Variants in CYRIB observed in about 807,000 individuals in gnomAD.
The protein encoded by CYRIB is CYFIP related Rac1 interactor B, also known as CYFIP-related Rac1 interactor B.
Under a neutral mutation model 44.2 loss-of-function variants are expected in CYRIB, and 8 were observed. The observed-to-expected ratio is 0.18, with a 90% CI of 0.11 to 0.33. The LOEUF is 0.33. Ranked by LOEUF, CYRIB falls within the 10% of genes least tolerant of loss-of-function variation. The probability of loss-of-function intolerance (pLI) is 1.00; values close to 1 mark genes in which losing one functional copy is unlikely to be tolerated. For synonymous variants in CYRIB, 131 were observed against 127.2 expected, an observed-to-expected ratio of 1.03 and a Z score of -0.20; for missense variants, 185 against 382.8, an observed-to-expected ratio of 0.48 and a Z score of 4.31.
upstream of CYRIB, among the ~76,000 whole-genome samples, chr8:129,944,508 C>A (rs184970191): frequency 6.6e-6 from 1 of 152,070 alleles, no homozygotes; most frequent in Non-Finnish European, 1.5e-5. Context: ...CTTTGCCGGG[C>A]GCGGTGGCTC....
intron 1 of CYRIB, among the ~76,000 whole-genome samples, chr8:129,910,717 A>G (rs948670263): frequency 2.0e-5 from 3 of 152,192 alleles, no homozygotes. Flanking sequence ...AGGATGGCTT[A>G]AGCGCAAGAG....
chr8:129,972,334 C>T (rs903442555), intron 1 of CYRIB, among the ~76,000 whole-genome samples: 9 of 152,312 alleles, frequency 5.9e-5, no homozygotes, highest in South Asian at 2.1e-4. Context: ...CACGGTGGCT[C>T]ACCCGTAATC....
intron 6 of CYRIB, 83 bp downstream of exon 8, chr8:129,855,528 A>G: frequency 7.0e-7 from 1 of 1,419,470 alleles, no homozygotes; most frequent in Non-Finnish European, 9.8e-7. Context: ...ATACATTTTA[A>G]CAATGTTTCC....
rs186625621 is a variant in CYRIB at position 129,955,512 on chromosome 8, G to A, written c.-243+15431C>T. On this transcript the variant is annotated intron_variant, in intron 2 of 14. Coordinates refer to the CYRIB transcript ENST00000401979. ...GCTCCCATCAGAAATCTCTACAGAC[G>A]TCGGAAATCTATAGAGATATTAGAT... Among the ~76,000 whole-genome samples the A allele has an allele frequency of 4.9e-4, 75 of 152,142 alleles. No individual in the cohort carries two copies. The South Asian group carries it at 0.011, about 21-fold the overall frequency.
chr8:129,958,473 C>CA (rs1554710674), intron 2 of CYRIB, among the ~76,000 whole-genome samples: 6 of 151,886 alleles, frequency 4.0e-5, no homozygotes, highest in African/African-American at 1.2e-4. Context: ...AACTCTTTAC[C>CA]AAAAAAACTG....
chr8:129,891,230 T>C (rs1440933981), intron 2 of CYRIB, among the ~76,000 whole-genome samples: 3 of 152,260 alleles, frequency 2.0e-5, no homozygotes, highest in Non-Finnish European at 4.4e-5. Context: ...TCTTGTGGTT[T>C]CTATTAATAT....
intron 5 of CYRIB, among the ~76,000 whole-genome samples, chr8:129,857,380 A>AAC (rs1418734084): frequency 6.6e-6 from 1 of 152,234 alleles, no homozygotes; most frequent in Non-Finnish European, 1.5e-5. Flanking sequence ...GATGAACATG[A>AAC]GTTTGCAGAC....
At chr8:129,853,367 C>T (rs2044382569) in intron 7 of CYRIB, among the ~76,000 whole-genome samples, 1 of 152,158 alleles carries the variant, frequency 6.6e-6, no homozygotes, top group South Asian at 2.1e-4. Context: ...ACAGATGTTT[C>T]ATAAAGAGGA....
intron 1 of CYRIB, among the ~76,000 whole-genome samples, chr8:129,980,267 G>C (rs950229429): frequency 5.3e-5 from 8 of 149,704 alleles, no homozygotes; most frequent in Non-Finnish European, 1.2e-4. Context: ...AAGAAAAAAA[G>C]CTGTAGTACT....
At chr8:129,927,926 G>A (rs1283751282) in intron 1 of CYRIB, among the ~76,000 whole-genome samples, 4 of 152,018 alleles carry the variant, frequency 2.6e-5, no homozygotes, top group Non-Finnish European at 2.9e-5. Flanking sequence ...AAAATGGTTC[G>A]GAGACTACCG....
rs1013087082 is a variant in CYRIB, at chr8:129,840,837, T to C, written c.*1305A>G. On this transcript the variant is annotated 3_prime_UTR_variant, in exon 12 of 12. Transcript: ENST00000519824. Reference sequence around the variant, plus strand: ...CAGCAGGGATGTGATCTTGAGAAGCTGTGTGTGCCATGATCTGGCCCTATT... The same window carrying C: ...CAGCAGGGATGTGATCTTGAGAAGCCGTGTGTGCCATGATCTGGCCCTATT... 6.6e-5 allele frequency: 10 copies of C among 152,202 alleles called. No individual in the cohort carries two copies. In the South Asian group the frequency reaches 1.0e-3, roughly 16 times the overall value. 9.4% of individuals were successfully genotyped at this position (152,202 alleles called of 1,614,324 possible).
intron 4 of CYRIB, among the ~76,000 whole-genome samples, chr8:129,867,361 G>A (rs1004008859): frequency 6.6e-6 from 1 of 150,578 alleles, no homozygotes; most frequent in East Asian, 1.9e-4. Context: ...CTGATCTCAG[G>A]TGATACACCT....
intron 7 of CYRIB, among the ~76,000 whole-genome samples, chr8:129,853,466 A>G (rs143626348): frequency 1.1e-3 from 165 of 152,334 alleles, no homozygotes; most frequent in African/African-American, 3.7e-3. Flanking sequence ...TCTTTGATAT[A>G]TATATTTTAA....
At chr8:129,948,274 C>A (rs542171147) in intron 2 of CYRIB, among the ~76,000 whole-genome samples, 1 of 152,192 alleles carries the variant, frequency 6.6e-6, no homozygotes, top group African/African-American at 2.4e-5. Flanking sequence ...ATTTTCTGCA[C>A]GCCTTCACTT....
At chr8:129,876,117 A>G (rs1316104391) in intron 3 of CYRIB, among the ~76,000 whole-genome samples, 1 of 148,974 alleles carries the variant, frequency 6.7e-6, no homozygotes, top group Non-Finnish European at 1.5e-5. Flanking sequence ...CATCTCAAGA[A>G]AAAAAAAAAA....
chr8:129,845,909 C>T (rs767791463), intron 11 of CYRIB, among the ~76,000 whole-genome samples: 18 of 152,124 alleles, frequency 1.2e-4, no homozygotes, highest in African/African-American at 3.4e-4. Flanking sequence ...TCTGGGAGGC[C>T]AAGGTGGGTG....
intron 2 of CYRIB, among the ~76,000 whole-genome samples, chr8:129,893,557 A>C (rs1448995701): frequency 6.6e-6 from 1 of 152,230 alleles, no homozygotes. Flanking sequence ...TACTATTCAC[A>C]GTCTGTCACC....
At chr8:129,874,323 A>G (rs867188518) in intron 3 of CYRIB, among the ~76,000 whole-genome samples, 1 of 152,116 alleles carries the variant, frequency 6.6e-6, no homozygotes, top group African/African-American at 2.4e-5. Context: ...GTAAATTAAA[A>G]ATTTTATTAA....
intron 1 of CYRIB, among the ~76,000 whole-genome samples, chr8:129,923,985 T>G (rs1031632158): frequency 6.6e-5 from 10 of 150,468 alleles, no homozygotes; most frequent in Non-Finnish European, 1.0e-4. Flanking sequence ...CAAACACTGG[T>G]TTAGGCCAGC....
Sources: gnomAD v4.1 joint callset for allele counts (sites outside exome capture counted in the v4.1 genomes callset) on GRCh38, gnomAD v4.1.1 for gene constraint, MANE v1.5 for transcripts, NCBI Gene and HGNC (gene_info 2026-07-23, HGNC 2026-07-21) for gene names.